SEMA5A: variants seen among roughly 807,000 people sequenced by gnomAD.
SEMA5A encodes the protein semaphorin-5A.
A neutral mutation model predicts 135.5 loss-of-function variants in SEMA5A; 55 were observed. The observed-to-expected ratio is 0.41, with a 90% CI of 0.33 to 0.51. SEMA5A has a LOEUF of 0.51. SEMA5A is among the 20% of genes least tolerant of loss of function. The pLI, the probability that SEMA5A is intolerant of heterozygous loss-of-function variation, is 0.37. For synonymous variants in SEMA5A, 580 were observed against 546.5 expected (o/e 1.06, Z -0.85); for missense variants, 1,290 against 1,419.9 (o/e 0.91, Z 1.47).
intron 16 of SEMA5A, among the ~76,000 whole-genome samples, chr5:9,088,659 T>TATATATATATAC: frequency 2.0e-4 from 23 of 112,872 alleles, no homozygotes; most frequent in African/African-American, 9.8e-4. Flanking sequence ...TATATATATA[T>TATATATATATAC]ACACACACAC....
chr5:9,336,031 G>C (rs375479048), intron 4 of SEMA5A, among the ~76,000 whole-genome samples: 11 of 152,206 alleles, frequency 7.2e-5, no homozygotes, highest in South Asian at 4.2e-4. Flanking sequence ...TGTTACTAGG[G>C]CCACACAGGA....
At chr5:9,406,037 G>T (rs1756873145) in intron 2 of SEMA5A, among the ~76,000 whole-genome samples, 1 of 152,182 alleles carries the variant, frequency 6.6e-6, no homozygotes, top group South Asian at 2.1e-4. Flanking sequence ...AATGATGATG[G>T]TACTACAGGT....
chr5:9,427,928 C>T (rs1309684520), intron 2 of SEMA5A, among the ~76,000 whole-genome samples: 1 of 152,040 alleles, frequency 6.6e-6, no homozygotes, highest in Non-Finnish European at 1.5e-5. Flanking sequence ...AGTAGGGTTT[C>T]ATCCAATTAT....
At chr5:9,236,996 T>A (rs1747947065) in intron 6 of SEMA5A, among the ~76,000 whole-genome samples, 2 of 152,136 alleles carry the variant, frequency 1.3e-5, no homozygotes, top group African/African-American at 4.8e-5. Flanking sequence ...ATTTGCTATA[T>A]TTTTTTCCCC....
chr5:9,199,955 C>T lies in SEMA5A; in HGVS notation c.932+2000G>A, dbSNP rs190421564. ...TTCCCCTAGTGCTGAGAAACCTTGA[C>T]GAATGTACAGAGGCAAAGCAACATT... On this transcript the variant is annotated intron_variant, in intron 9 of 22. Coordinates refer to ENST00000382496, the MANE Select transcript of SEMA5A (RefSeq NM_003966.3). Among the ~76,000 whole-genome samples, 73 of 152,242 alleles carry T rather than the reference C, an allele frequency of 4.8e-4. No individual in the cohort carries two copies. The East Asian group carries it at 7.1e-3, about 15-fold the overall frequency.
chr5:9,157,793 C>G (rs978560700), intron 11 of SEMA5A, among the ~76,000 whole-genome samples: 1 of 152,198 alleles, frequency 6.6e-6, no homozygotes, highest in African/African-American at 2.4e-5. Context: ...ATGTTATTTT[C>G]TTTCAGTGGC....
chr5:9,073,468 G>T (rs1258648948), intron 16 of SEMA5A, among the ~76,000 whole-genome samples: 1 of 152,028 alleles, frequency 6.6e-6, no homozygotes, highest in Non-Finnish European at 1.5e-5. Flanking sequence ...ATCTCATGAA[G>T]GATATCTATT....
chr5:9,205,846 C>T (rs1479651649), intron 8 of SEMA5A, among the ~76,000 whole-genome samples: 2 of 151,708 alleles, frequency 1.3e-5, no homozygotes, highest in Admixed American at 1.3e-4. Flanking sequence ...TGTGACCTGC[C>T]ATTAACTCGG....
chr5:9,146,602 C>T (rs555166011), intron 12 of SEMA5A, among the ~76,000 whole-genome samples: 1 of 152,208 alleles, frequency 6.6e-6, no homozygotes, highest in African/African-American at 2.4e-5. Context: ...AAAGATAAAT[C>T]GATTTTGGAA....
intron 11 of SEMA5A, among the ~76,000 whole-genome samples, chr5:9,183,969 T>C (rs6884865): frequency 0.21 from 31,217 of 152,190 alleles, 3,372 homozygotes; most frequent in South Asian, 0.25. Flanking sequence ...CTACTTGAAA[T>C]CTGGTATTGA....
At chr5:9,247,389 G>A (rs2150479255) in intron 5 of SEMA5A, among the ~76,000 whole-genome samples, 1 of 152,222 alleles carries the variant, frequency 6.6e-6, no homozygotes, top group Middle Eastern at 3.4e-3. Context: ...TTTGCTTTCA[G>A]TTTCTCCATA....
At chr5:9,342,401 T>C (rs1409907284) in intron 3 of SEMA5A, among the ~76,000 whole-genome samples, 1 of 152,210 alleles carries the variant, frequency 6.6e-6, no homozygotes, top group East Asian at 1.9e-4. Flanking sequence ...TGGCTCCGGA[T>C]ACCTGTTTCA....
rs192007556 is a variant in SEMA5A, at chr5:9,537,734, C to T, written c.-175+7850G>A. Among the ~76,000 whole-genome samples, 7 of 152,280 alleles carry T rather than the reference C, an allele frequency of 4.6e-5. No homozygotes were observed. In the East Asian group the frequency reaches 7.7e-4, roughly 17 times the overall value. ...AAAGCTATTGCACTAGGACTTAAAA[C>T]GCTGTTGATCTCCATTTTTGTGAAC... On this transcript the variant is annotated intron_variant, in intron 1 of 22. Coordinates refer to ENST00000382496, the MANE Select transcript of SEMA5A (RefSeq NM_003966.3).
At chr5:9,404,959 G>A (rs1383654689) in intron 2 of SEMA5A, among the ~76,000 whole-genome samples, 1 of 152,180 alleles carries the variant, frequency 6.6e-6, no homozygotes, top group Non-Finnish European at 1.5e-5. Flanking sequence ...GCGAATATAA[G>A]GTAACCAGCT....
At chr5:9,391,438 A>G (rs942825013) in intron 2 of SEMA5A, among the ~76,000 whole-genome samples, 1 of 152,094 alleles carries the variant, frequency 6.6e-6, no homozygotes, top group Non-Finnish European at 1.5e-5. Flanking sequence ...CTGCCTCTTC[A>G]TCTCTACCTG....
intron 6 of SEMA5A, among the ~76,000 whole-genome samples, chr5:9,237,535 A>AT (rs1747975318): frequency 6.6e-6 from 1 of 152,100 alleles, no homozygotes; most frequent in African/African-American, 2.4e-5. Flanking sequence ...TCAGGCCCAT[A>AT]TTTTTTCCAG....
chr5:9,512,953 C>T (rs1343800333), intron 1 of SEMA5A, among the ~76,000 whole-genome samples: 1 of 151,772 alleles, frequency 6.6e-6, no homozygotes, highest in Non-Finnish European at 1.5e-5. Context: ...AAATAGAGTT[C>T]TGTGCCAAAG....
At chr5:9,197,058 G>T in intron 10 of SEMA5A, 110 bp downstream of exon 10, 1 of 1,450,682 alleles carries the variant, frequency 6.9e-7, no homozygotes, top group Non-Finnish European at 9.5e-7. Flanking sequence ...CAGGGAGACA[G>T]CTGCATGGTG....
At chr5:9,449,061 T>G (rs1410687124) in intron 1 of SEMA5A, among the ~76,000 whole-genome samples, 2 of 152,212 alleles carry the variant, frequency 1.3e-5, no homozygotes, top group Non-Finnish European at 2.9e-5. Context: ...GAAATTTCAT[T>G]ACTGAGTATA....
Sources: allele counts gnomAD v4.1 joint callset (sites outside exome capture counted in the v4.1 genomes callset), GRCh38; gene constraint gnomAD v4.1.1; transcripts MANE v1.5; gene names NCBI Gene and HGNC (gene_info 2026-07-23, HGNC 2026-07-21).